The following UACA variants were observed in gnomAD, a reference collection of about 807,000 sequenced individuals.
The protein encoded by UACA is uveal autoantigen with coiled-coil domains and ankyrin repeats.
A neutral mutation model predicts 160.5 loss-of-function variants in UACA; 112 were observed. The observed-to-expected ratio is 0.70, with a 90% confidence interval of 0.60 to 0.82. The LOEUF is 0.82. Among genes scored for constraint, UACA ranks in the 40% least tolerant of loss-of-function variants. UACA has a pLI of 0.00. For missense variants in UACA, 1,574 were observed against 1,614.6 expected, an observed-to-expected ratio of 0.97 and a Z score of 0.43; for synonymous variants, 557 against 568.4, an observed-to-expected ratio of 0.98 and a Z score of 0.29.
intron 5 of UACA, among the ~76,000 whole-genome samples, chr15:70,690,120 AAC>A (rs1024497998): frequency 6.6e-6 from 1 of 151,694 alleles, no homozygotes; most frequent in Admixed American, 6.6e-5. Flanking sequence ...AAAGACATGA[AAC>A]ACACACACGC....
chr15:70,702,131 A>T, intron 1 of UACA: 1 of 1,301,772 alleles, frequency 7.7e-7, no homozygotes, highest in Non-Finnish European at 9.7e-7. Context: ...CTTCCTTGCA[A>T]TGCAGAACTT....
Position 70,667,706 on chromosome 15 carries a change from T to G in UACA, c.2978A>C (p.Glu993Ala), listed in dbSNP as rs1896974376. The G allele has an allele frequency of 2.5e-6, 4 of 1,613,842 alleles. No homozygotes were observed. Among genetic ancestry groups the G allele is most frequent in the African/African-American group, 1.3e-5 (1 of 74,936 alleles). Residue 993 changes from glutamate to alanine, a missense_variant, in exon 16 of 19, where the codon GAG becomes GCG. Glu to Ala is a moderately radical substitution (Grantham distance 107). Coordinates refer to ENST00000322954, the MANE Select transcript of UACA (RefSeq NM_018003.4). The part of the protein sequence containing the change: ...VKYAPIVSFE[E>A]CERKFKATEK... The stretch of plus-strand genomic sequence containing the variant: ...TGTTGCTTTAAATTTTCTCTCGCAC[T>G]CCTCAAAGCTGACAATTGGGGCGTA...
intron 9 of UACA, among the ~76,000 whole-genome samples, chr15:70,682,234 C>T (rs527558884): frequency 2.6e-5 from 4 of 151,968 alleles, no homozygotes; most frequent in Non-Finnish European, 5.9e-5. Flanking sequence ...GTTGTTATTC[C>T]GTAAAGTCCT....
chr15:70,659,180 G>GA (rs1454151370), intron 18 of UACA, among the ~76,000 whole-genome samples: 1 of 152,016 alleles, frequency 6.6e-6, no homozygotes. Flanking sequence ...TTGCTCAAAA[G>GA]AGAGTAGCTA....
At chr15:70,769,582 A>T in the UACA span, among the ~76,000 whole-genome samples, 89 of 151,692 alleles carry the variant, frequency 5.9e-4, no homozygotes, top group African/African-American at 2.1e-3. Context: ...ATATAAAATT[A>T]TCAATAATAT....
intron 1 of UACA, among the ~76,000 whole-genome samples, chr15:70,761,276 G>A (rs187909546): frequency 2.4e-4 from 36 of 152,296 alleles, no homozygotes; most frequent in African/African-American, 8.2e-4. Context: ...GTGGGGGCAG[G>A]GTGGCTGAAG....
intron 1 of UACA, among the ~76,000 whole-genome samples, chr15:70,736,078 A>G (rs1899355898): frequency 6.6e-6 from 1 of 152,244 alleles, no homozygotes; most frequent in African/African-American, 2.4e-5. Context: ...TGTTGGGATT[A>G]TAATAGTAAT....
At chr15:70,701,765 A>C in intron 1 of UACA, 1 of 1,029,664 alleles carries the variant, frequency 9.7e-7, no homozygotes, top group South Asian at 1.8e-5. Context: ...TTAATCAAGA[A>C]GAAAACAATA....
chr15:70,685,966 G>C (rs1310113112), intron 7 of UACA, among the ~76,000 whole-genome samples: 1 of 151,918 alleles, frequency 6.6e-6, no homozygotes, highest in Non-Finnish European at 1.5e-5. Flanking sequence ...GTAGAGATGT[G>C]GTTTCGCCAT....
intron 1 of UACA, among the ~76,000 whole-genome samples, chr15:70,722,671 T>C (rs959398280): frequency 6.6e-6 from 1 of 152,172 alleles, no homozygotes; most frequent in African/African-American, 2.4e-5. Context: ...TAGACATACA[T>C]TAAACTTTTA....
chr15:70,741,917 TG>T (rs1306740868), intron 1 of UACA, among the ~76,000 whole-genome samples: 1 of 152,168 alleles, frequency 6.6e-6, no homozygotes, highest in African/African-American at 2.4e-5. Context: ...ATGCATTAAA[TG>T]AGATAATTTG....
chr15:70,709,637 T>G (rs968809078), intron 1 of UACA, among the ~76,000 whole-genome samples: 3 of 152,222 alleles, frequency 2.0e-5, no homozygotes, highest in African/African-American at 4.8e-5. Flanking sequence ...GACTCTTTTC[T>G]GTTAAAAAGT....
chr15:70,721,690 A>G (rs1898999347), intron 1 of UACA, among the ~76,000 whole-genome samples: 1 of 152,116 alleles, frequency 6.6e-6, no homozygotes, highest in Non-Finnish European at 1.5e-5. Flanking sequence ...CGCTTTGCAC[A>G]GTCCTCAACT....
At position 70,668,641 on chromosome 15, in the gene UACA, G is replaced by A. The variant is rs146812558; in HGVS notation, c.2043C>T (p.His681=). 2.7e-5 allele frequency: 44 copies of A among 1,613,754 alleles called. No individual in the cohort carries two copies. The highest frequency in any genetic ancestry group is 5.3e-5 in the African/African-American group (4 of 74,880). ...CCTGTTCATGTTCCTCTGGTTTGAC[G>A]TGCTGAGCAAGCTTGGCCTTAACAT... is the stretch of plus-strand genomic sequence containing the variant. ...LENVKAKLAQ[H]VKPEEHEQVK... is the part of the protein sequence containing the mutation. Residue 681 remains histidine (H), a synonymous_variant, in exon 16 of 19, where the codon CAC becomes CAT. Coordinates refer to ENST00000322954, the MANE Select transcript of UACA (RefSeq NM_018003.4).
chr15:70,711,846 T>C (rs962565039), intron 1 of UACA, among the ~76,000 whole-genome samples: 1 of 152,140 alleles, frequency 6.6e-6, no homozygotes, highest in Non-Finnish European at 1.5e-5. Flanking sequence ...AAAAGTTCTA[T>C]AGAGATGACT....
In UACA at chr15:70,666,928, T is replaced by A; in HGVS notation, c.3756A>T (p.Arg1252Ser). 6.2e-7 allele frequency: 1 copy of A among 1,612,784 alleles called. No homozygotes were observed. The highest frequency in any genetic ancestry group is 8.5e-7 in the Non-Finnish European group (1 of 1,179,786). The change falls in exon 16 of 19, where the codon AGA becomes AGT. Residue 1252 changes from arginine to serine, a missense_variant. Transcript: ENST00000322954. ...SLNEKLANLN[R>S]KYEEVCEEVL... ...CTTCCTCACATACTTCCTCATACTT[T>A]CTATTCAGATTGGCCAATTTTTCAT... is the stretch of plus-strand genomic sequence containing the variant.
intron 10 of UACA, among the ~76,000 whole-genome samples, chr15:70,678,617 A>G (rs1897371061): frequency 6.6e-6 from 1 of 152,184 alleles, no homozygotes; most frequent in Non-Finnish European, 1.5e-5. Context: ...AAAGGCTCGA[A>G]TTTAAGGACA....
At chr15:70,706,519 TAAAAAAA>T (rs34478198) in intron 1 of UACA, among the ~76,000 whole-genome samples, 1 of 121,366 alleles carries the variant, frequency 8.2e-6, no homozygotes, top group African/African-American at 2.9e-5. Flanking sequence ...TCTTATTTGT[TAAAAAAA>T]AAAAAAAAAA....
At chr15:70,767,254 A>G (rs559472415), upstream of UACA, among the ~76,000 whole-genome samples, 3 of 128,124 alleles carry the variant, frequency 2.3e-5, no homozygotes, top group Middle Eastern at 8.0e-3. Flanking sequence ...AAAAAAAAAA[A>G]AACAAAAAAC....
Sources: allele counts gnomAD v4.1 joint callset (sites outside exome capture counted in the v4.1 genomes callset), GRCh38; gene constraint gnomAD v4.1.1; transcripts MANE v1.5; gene names NCBI Gene and HGNC (gene_info 2026-07-23, HGNC 2026-07-21).